HEG1: variants seen among roughly 807,000 people sequenced by gnomAD.
HEG1 encodes heart development protein with EGF like domains 1, also known as protein HEG homolog 1.
Under a neutral mutation model 125.6 loss-of-function variants are expected in HEG1, and 56 were observed. The ratio of observed to expected loss-of-function variants is 0.45; its 90% CI spans 0.36 to 0.56. HEG1 has a LOEUF of 0.56. Ranked by LOEUF, HEG1 falls within the 20% of genes least tolerant of loss-of-function variation. The pLI is 0.00. For missense variants in HEG1, 1,523 were observed against 1,670.0 expected (o/e 0.91, Z 1.53); for synonymous variants, 644 against 668.5 (o/e 0.96, Z 0.57).
At position 125,013,682 on chromosome 3, in the gene HEG1, G is replaced by C. The variant is rs1351422544; in HGVS notation, c.1897C>G (p.Leu633Val). 1 of 1,613,854 alleles carries C rather than the reference G, an allele frequency of 6.2e-7. No homozygotes were observed. The change falls in exon 6 of 17, where the codon CTT becomes GTT. Residue 633 changes from leucine (L) to valine (V), a missense_variant. By Grantham distance (32) the Leu-to-Val change is conservative. Coordinates refer to ENST00000311127, the MANE Select transcript of HEG1 (RefSeq NM_020733.2). ...TTAATGGTGGGTGTGTAGGACGGAA[G>C]GTTGGATGTATGCAGAACTGGCGAC... ...TESPVLHTSN[L>V]PSYTPTINMP... is the part of the protein sequence containing the mutation.
chr3:125,024,450 C>CT (rs756433464), intron 3 of HEG1, among the ~76,000 whole-genome samples: 12 of 152,144 alleles, frequency 7.9e-5, no homozygotes, highest in South Asian at 6.2e-4. Context: ...CAAAAGGGAG[C>CT]TTTTTTCCCT....
Position 124,990,769 on chromosome 3 carries a change from C to T in HEG1, c.3733+18G>A, listed in dbSNP as rs887356088. 2 of 1,556,856 alleles carry T rather than the reference C, an allele frequency of 1.3e-6. No individual in the cohort carries two copies. The highest frequency in any genetic ancestry group is 1.4e-5 in the African/African-American group (1 of 73,330). ...CAGGCCCCTGCCCACGCATAATGGT[C>T]CACTTTTGTACACTTACGGTTTCCA... is the stretch of plus-strand genomic sequence containing the variant. On this transcript the variant is annotated intron_variant, in intron 14 of 16. Coordinates refer to ENST00000311127, the MANE Select transcript of HEG1 (RefSeq NM_020733.2).
chr3:125,017,045 A>G (rs1937260460), intron 5 of HEG1, among the ~76,000 whole-genome samples: 2 of 146,302 alleles, frequency 1.4e-5, no homozygotes, highest in African/African-American at 2.5e-5. Context: ...ACTGTATCCA[A>G]AATATGCAAA....
intron 16 of HEG1, 144 bp downstream of exon 16, chr3:124,973,587 T>C: frequency 1.7e-6 from 1 of 597,302 alleles, no homozygotes; most frequent in South Asian, 2.5e-5. Context: ...AGACTGTAGG[T>C]AAACTGACTA....
intron 11 of HEG1, 50 bp from the exon 12 acceptor site, chr3:124,997,873 C>T (rs777141847): frequency 6.6e-7 from 1 of 1,504,598 alleles, no homozygotes; most frequent in East Asian, 2.4e-5. Context: ...TTCTCCACTT[C>T]AAACCTTAAA....
chr3:125,006,214 C>G (rs1437546584), intron 8 of HEG1, among the ~76,000 whole-genome samples: 1 of 152,082 alleles, frequency 6.6e-6, no homozygotes, highest in Non-Finnish European at 1.5e-5. Flanking sequence ...TGAAAACAGC[C>G]CATATTCAAG....
chr3:124,994,627 T>A (rs1012584351), intron 12 of HEG1, among the ~76,000 whole-genome samples: 4 of 151,894 alleles, frequency 2.6e-5, no homozygotes, highest in Non-Finnish European at 5.9e-5. Context: ...TGCCTCAGCC[T>A]CCTGAGTAGC....
intron 1 of HEG1, among the ~76,000 whole-genome samples, chr3:125,037,682 C>T (rs1050609933): frequency 1.3e-5 from 2 of 152,220 alleles, no homozygotes; most frequent in Admixed American, 1.3e-4. Flanking sequence ...GTGGTTACAC[C>T]TCCACTTCTC....
intron 11 of HEG1, among the ~76,000 whole-genome samples, chr3:125,000,762 A>G (rs527839426): frequency 6.6e-6 from 1 of 152,308 alleles, no homozygotes; most frequent in African/African-American, 2.4e-5. Flanking sequence ...CCCACTGGGA[A>G]TGTCAATGTC....
chr3:125,003,363 T>G (rs1396064576), intron 9 of HEG1, among the ~76,000 whole-genome samples: 1 of 152,226 alleles, frequency 6.6e-6, no homozygotes, highest in African/African-American at 2.4e-5. Flanking sequence ...TCTAAATCCC[T>G]GTATTATCTT....
chr3:125,012,861 C>A lies in HEG1; in HGVS notation c.2718G>T (p.Val906=). 6.2e-7 allele frequency: 1 copy of A among 1,614,018 alleles called. No homozygotes were observed. The highest frequency in any genetic ancestry group is 8.5e-7 in the Non-Finnish European group (1 of 1,179,882). Residue 906 remains valine, a synonymous_variant, in exon 6 of 17, where the codon GTG becomes GTT. Transcript: ENST00000311127. ...TCAATCCAGTGGTAGCATCCACAATCACTCGGTTCCTTTCTGTGCTGATGC... is the reference window on the plus strand; with the variant it reads ...TCAATCCAGTGGTAGCATCCACAATAACTCGGTTCCTTTCTGTGCTGATGC... The part of the protein sequence containing the change: ...EGGISTERNR[V]IVDATTGLIP...
chr3:125,053,480 C>A (rs1239125322), intron 1 of HEG1, among the ~76,000 whole-genome samples: 1 of 152,162 alleles, frequency 6.6e-6, no homozygotes, highest in Non-Finnish European at 1.5e-5. Flanking sequence ...GTGTTCATTT[C>A]ATCTCTTCTA....
chr3:125,009,884 C>A, intron 7 of HEG1, 60 bp from the exon 8 acceptor site: 2 of 1,541,238 alleles, frequency 1.3e-6, no homozygotes, highest in Non-Finnish European at 1.8e-6. Context: ...AACCATAACC[C>A]AGTGTAGTAA....
chr3:124,990,672 A>C, intron 14 of HEG1, 115 bp downstream of exon 14: 2 of 1,003,166 alleles, frequency 2.0e-6, no homozygotes, highest in Non-Finnish European at 3.0e-6. Flanking sequence ...ATTGGCATAG[A>C]ACCTAAGAAG....
chr3:125,012,933 C>T lies in HEG1; in HGVS notation c.2646G>A (p.Ser882=), dbSNP rs147690345. 6.6e-5 allele frequency: 106 copies of T among 1,614,004 alleles called. No individual in the cohort carries two copies. In the African/African-American group the frequency reaches 1.1e-3, roughly 16 times the overall value. The change falls in exon 6 of 17, where the codon TCG becomes TCA. Residue 882 remains serine, a synonymous_variant. Transcript: ENST00000311127. ...AVQTTAGKQL[S]LTHPEILVPQ... ...GAACTAGTATTTCAGGATGGGTCAG[C>T]GAGAGCTGTTTTCCAGCTGTAGTCT...
Position 125,013,993 on chromosome 3 carries a change from G to A in HEG1, c.1589-3C>T. The A allele has an allele frequency of 6.3e-7, 1 of 1,589,590 alleles. No homozygotes were observed. Among genetic ancestry groups the A allele is most frequent in the Non-Finnish European group, 8.5e-7 (1 of 1,170,434 alleles). ...TTGACCGTAGCTAATCCCAGCGACT[G>A]TAAACGGAAAAGCCAAAGTTAGGTC... is the stretch of plus-strand genomic sequence containing the variant. On this transcript the variant is annotated splice_polypyrimidine_tract_variant and splice_region_variant and intron_variant, in intron 5 of 16. Coordinates refer to ENST00000311127, the MANE Select transcript of HEG1 (RefSeq NM_020733.2).
Position 124,969,318 on chromosome 3 carries a change from G to A in HEG1, c.*1334C>T, listed in dbSNP as rs1255816279. 1 of 152,142 alleles carries A rather than the reference G, an allele frequency of 6.6e-6. No homozygotes were observed. Among genetic ancestry groups the A allele is most frequent in the African/African-American group, 2.4e-5 (1 of 41,432 alleles). 9.4% of individuals were successfully genotyped at this position (152,142 alleles called of 1,614,324 possible). On this transcript the variant is annotated 3_prime_UTR_variant, in exon 17 of 17. Coordinates refer to ENST00000311127, the MANE Select transcript of HEG1 (RefSeq NM_020733.2). ...ATCACAGGCATAATAAATAAGATGAGTGGAACTTCCTTCCCGAAGGTCAAC... is the reference window on the plus strand; with the variant it reads ...ATCACAGGCATAATAAATAAGATGAATGGAACTTCCTTCCCGAAGGTCAAC...
At chr3:124,973,387 G>A (rs1375428930) in intron 16 of HEG1, among the ~76,000 whole-genome samples, 1 of 152,104 alleles carries the variant, frequency 6.6e-6, no homozygotes, top group Non-Finnish European at 1.5e-5. Context: ...ATGGCAGACA[G>A]GAGATAAAAA....
rs374647725 is a variant in HEG1 at position 124,995,468 on chromosome 3, G to A, written c.3652+2221C>T. 1.3e-3 allele frequency among the ~76,000 whole-genome samples: 194 copies of A among 152,326 alleles called. 1 individual carries two copies. Among genetic ancestry groups the A allele is most frequent in the African/African-American group, 3.9e-3 (164 of 41,568 alleles). On this transcript the variant is annotated intron_variant, in intron 12 of 16. Transcript: ENST00000311127. Reference sequence around the variant, plus strand: ...TGTGTGTGCATGTGTGTGTGTGCACGCACACGCTGCAGAGAACATAGAGAC... The same window carrying A: ...TGTGTGTGCATGTGTGTGTGTGCACACACACGCTGCAGAGAACATAGAGAC...
Sources: gnomAD v4.1 joint callset for allele counts (sites outside exome capture counted in the v4.1 genomes callset) on GRCh38, gnomAD v4.1.1 for gene constraint, MANE v1.5 for transcripts, NCBI Gene and HGNC (gene_info 2026-07-23, HGNC 2026-07-21) for gene names.